The following HCN1 variants were observed in gnomAD, a reference collection of about 807,000 sequenced individuals.
The protein encoded by HCN1 is hyperpolarization activated cyclic nucleotide gated potassium channel 1.
Under a neutral mutation model 78.9 loss-of-function variants are expected in HCN1, and 13 were observed. That is an observed-to-expected ratio of 0.16 (90% CI 0.11 to 0.26). The LOEUF is 0.26. HCN1 is among the 10% of genes least tolerant of loss of function. The pLI, the probability that HCN1 is intolerant of heterozygous loss-of-function variation, is 1.00. For synonymous variants in HCN1, 552 were observed against 455.5 expected (o/e 1.21, Z -2.70); for missense variants, 810 against 1,154.3 (o/e 0.70, Z 4.32).
intron 5 of HCN1, among the ~76,000 whole-genome samples, chr5:45,304,298 T>C (rs1181694299): frequency 2.4e-5 from 2 of 83,180 alleles, no homozygotes; most frequent in South Asian, 7.5e-4. Flanking sequence ...CATTTTGATG[T>C]TTTTTTTTTT....
chr5:45,658,182 C>A (rs934558632), intron 1 of HCN1, among the ~76,000 whole-genome samples: 3 of 152,194 alleles, frequency 2.0e-5, no homozygotes, highest in Admixed American at 6.5e-5. Context: ...ACTGGCTAGC[C>A]ATATGTAGAA....
intron 1 of HCN1, among the ~76,000 whole-genome samples, chr5:45,650,987 C>A (rs559401750): frequency 6.6e-6 from 1 of 152,052 alleles, no homozygotes; most frequent in East Asian, 1.9e-4. Context: ...TTTACTACTA[C>A]TAAAGGTGCT....
intron 1 of HCN1, among the ~76,000 whole-genome samples, chr5:45,682,917 A>C (rs1332740021): frequency 2.0e-5 from 3 of 152,192 alleles, no homozygotes; most frequent in Non-Finnish European, 4.4e-5. Context: ...CAATCTTGTC[A>C]TATTTTTTCT....
chr5:45,406,199 A>G (rs1036343940), intron 3 of HCN1, among the ~76,000 whole-genome samples: 1 of 152,162 alleles, frequency 6.6e-6, no homozygotes, highest in African/African-American at 2.4e-5. Flanking sequence ...TGATGTTTCA[A>G]TTACAATTAG....
intron 3 of HCN1, among the ~76,000 whole-genome samples, chr5:45,411,037 A>G (rs924718894): frequency 6.6e-6 from 1 of 152,098 alleles, no homozygotes; most frequent in African/African-American, 2.4e-5. Flanking sequence ...CAACATAATC[A>G]AGCTAAATAC....
At chr5:45,339,190 C>A (rs1490548584) in intron 5 of HCN1, among the ~76,000 whole-genome samples, 1 of 152,124 alleles carries the variant, frequency 6.6e-6, no homozygotes, top group African/African-American at 2.4e-5. Context: ...CTTCCTACTG[C>A]ATGCTGGTTA....
intron 2 of HCN1, among the ~76,000 whole-genome samples, chr5:45,463,196 C>A (rs1741200270): frequency 6.6e-6 from 1 of 151,818 alleles, no homozygotes; most frequent in Non-Finnish European, 1.5e-5. Flanking sequence ...GAAATGATAT[C>A]TTTGTAGGAA....
At chr5:45,370,122 C>T (rs1490607115) in intron 4 of HCN1, among the ~76,000 whole-genome samples, 1 of 151,738 alleles carries the variant, frequency 6.6e-6, no homozygotes, top group African/African-American at 2.4e-5. Context: ...TATGTTTTCA[C>T]TGTTAATGGA....
In HCN1 at chr5:45,695,600, C is replaced by T. The variant is rs944009647; in HGVS notation, c.425+69G>A. On this transcript the variant is annotated intron_variant, in intron 1 of 7. Transcript: ENST00000303230. ...TCCTAGTCCCCGGGACGCCCCCCAC[C>T]CAAGGGCGGGGAAGCGCGTTTCAGG... 67 of 1,523,486 alleles carry T rather than the reference C, an allele frequency of 4.4e-5. No individual in the cohort carries two copies. The Admixed American group carries it at 1.2e-3, about 26-fold the overall frequency. 94.4% of individuals were successfully genotyped at this position (1,523,486 alleles called of 1,614,324 possible).
chr5:45,574,524 G>A (rs1367960378), intron 2 of HCN1: 2 of 151,940 alleles, frequency 1.3e-5, no homozygotes, highest in South Asian at 2.1e-4. Context: ...CTTATTCCCT[G>A]AGACACAACA....
chr5:45,628,784 C>CA lies in HCN1; in HGVS notation c.849+16400dup, dbSNP rs1745218422. ...GTCAGGAGTTCGAGACCAGCCTGGC[C>CA]AACATGGTGAAACCCTGTCTCTTCT... is the stretch of plus-strand genomic sequence containing the variant. On this transcript the variant is annotated intron_variant, in intron 2 of 7. Transcript: ENST00000303230. 2.0e-5 allele frequency among the ~76,000 whole-genome samples: 3 copies of CA among 151,786 alleles called. No individual in the cohort carries two copies. The South Asian group carries it at 6.2e-4, about 31-fold the overall frequency.
intron 5 of HCN1, among the ~76,000 whole-genome samples, chr5:45,313,143 G>A (rs1433703240): frequency 6.6e-6 from 1 of 152,096 alleles, no homozygotes; most frequent in African/African-American, 2.4e-5. Flanking sequence ...CACCTCACAC[G>A]GCAGAGTACC....
intron 4 of HCN1, among the ~76,000 whole-genome samples, chr5:45,389,530 G>A (rs1291570020): frequency 1.3e-5 from 2 of 152,126 alleles, no homozygotes; most frequent in Non-Finnish European, 2.9e-5. Flanking sequence ...GAGGTACCAT[G>A]TCTACTTGCT....
intron 3 of HCN1, among the ~76,000 whole-genome samples, chr5:45,432,861 G>A (rs1003842141): frequency 2.0e-5 from 3 of 151,996 alleles, no homozygotes; most frequent in Admixed American, 6.6e-5. Context: ...TAATAGACTC[G>A]CAGTTTCACA....
At chr5:45,457,145 T>G (rs1021929375) in intron 3 of HCN1, among the ~76,000 whole-genome samples, 4 of 152,102 alleles carry the variant, frequency 2.6e-5, no homozygotes, top group Non-Finnish European at 5.9e-5. Context: ...GCTCTAGGAA[T>G]GTACTGTTTA....
At chr5:45,524,587 G>T (rs2111788027) in intron 2 of HCN1, among the ~76,000 whole-genome samples, 1 of 152,204 alleles carries the variant, frequency 6.6e-6, no homozygotes, top group Middle Eastern at 3.4e-3. Context: ...CTTGTAAGTT[G>T]GATTCCTAGG....
intron 2 of HCN1, among the ~76,000 whole-genome samples, chr5:45,500,430 T>A (rs575056787): frequency 1.3e-5 from 2 of 152,310 alleles, no homozygotes; most frequent in South Asian, 4.1e-4. Context: ...GAAGAATTCT[T>A]ATGTCCTGGT....
Position 45,593,286 on chromosome 5 carries a change from G to A in HCN1, c.849+51899C>T, listed in dbSNP as rs1049340218. Among the ~76,000 whole-genome samples, 247 of 104,480 alleles carry A rather than the reference G, an allele frequency of 2.4e-3. 1 individual carries two copies. Among genetic ancestry groups the A allele is most frequent in the African/African-American group, 8.8e-3 (229 of 25,894 alleles). 68.5% of individuals were successfully genotyped at this position (104,480 alleles called of 152,430 possible). On this transcript the variant is annotated intron_variant, in intron 2 of 7. Coordinates refer to ENST00000303230, the MANE Select transcript of HCN1 (RefSeq NM_021072.4). ...GAGAAATCCAGAGACAAAGGTAGAG[G>A]TATATTCTCTCTCTCTCTCTCTCTC... is the stretch of plus-strand genomic sequence containing the variant.
At chr5:45,566,610 A>C (rs114448113) in intron 2 of HCN1, among the ~76,000 whole-genome samples, 1 of 152,320 alleles carries the variant, frequency 6.6e-6, no homozygotes, top group African/African-American at 2.4e-5. Flanking sequence ...AATTGATAGT[A>C]ATTTTTTTCA....
Sources: gnomAD v4.1 joint callset for allele counts (sites outside exome capture counted in the v4.1 genomes callset) on GRCh38, gnomAD v4.1.1 for gene constraint, MANE v1.5 for transcripts, NCBI Gene and HGNC (gene_info 2026-07-23, HGNC 2026-07-21) for gene names.